The following AFF4 variants were observed in gnomAD, a reference collection of about 807,000 sequenced individuals.
AFF4 encodes AF4/FMR2 family member 4.
In AFF4, 13 loss-of-function variants were observed where a neutral mutation model predicts 124.8. The ratio of observed to expected loss-of-function variants is 0.10; its 90% CI spans 0.07 to 0.17. AFF4 has a LOEUF of 0.17. Ranked by LOEUF, AFF4 falls within the 10% of genes least tolerant of loss-of-function variation. The pLI, the probability that AFF4 is intolerant of heterozygous loss-of-function variation, is 1.00. For missense variants in AFF4, 1,092 were observed against 1,403.8 expected, an observed-to-expected ratio of 0.78 and a Z score of 3.55; for synonymous variants, 477 against 496.1, an observed-to-expected ratio of 0.96 and a Z score of 0.51.
chr5:132,948,150 A>G (rs1158865039), intron 1 of AFF4, among the ~76,000 whole-genome samples: 1 of 151,870 alleles, frequency 6.6e-6, no homozygotes, highest in African/African-American at 2.4e-5. Context: ...TCCTGGGTTC[A>G]AGCAATTCTC....
chr5:132,889,990 C>T (rs1239738540), intron 13 of AFF4, among the ~76,000 whole-genome samples: 1 of 152,062 alleles, frequency 6.6e-6, no homozygotes, highest in Non-Finnish European at 1.5e-5. Context: ...CTATGACTCT[C>T]TCTCAACTGC....
intron 18 of AFF4, among the ~76,000 whole-genome samples, chr5:132,885,488 G>T (rs950212749): frequency 6.7e-6 from 1 of 150,064 alleles, no homozygotes; most frequent in African/African-American, 2.5e-5. Flanking sequence ...TGGGTGGGTG[G>T]GGAGAGGGGA....
chr5:132,909,422 C>A (rs4705977), intron 5 of AFF4, among the ~76,000 whole-genome samples: 17,534 of 152,210 alleles, frequency 0.12, 1,276 homozygotes, highest in South Asian at 0.19. Flanking sequence ...GGATTACAGG[C>A]ATGAGCCACC....
Position 132,875,523 on chromosome 5 carries a change from T to TG in AFF4, c.*5535dup, listed in dbSNP as rs1233492881. On this transcript the variant is annotated 3_prime_UTR_variant, in exon 21 of 21. Transcript: ENST00000265343. ...TTTACAAATTGAAATGTGATACCCT[T>TG]GTCTCCAAATATTTTAATTGCCATA... 2.1e-5 allele frequency: 4 copies of TG among 189,418 alleles called. No homozygotes were observed. The highest frequency in any genetic ancestry group is 4.5e-5 in the Non-Finnish European group (4 of 89,874). The allele number at this position is 189,418 out of a possible 1,614,324, so 11.7% of individuals were successfully genotyped here. A position where few individuals can be genotyped will look rare whatever the true frequency, so the allele number is the denominator to read the frequency against.
intron 11 of AFF4, among the ~76,000 whole-genome samples, chr5:132,894,726 C>G (rs1424220741): frequency 6.6e-6 from 1 of 152,078 alleles, no homozygotes; most frequent in Non-Finnish European, 1.5e-5. Context: ...CTTTGGGAGG[C>G]TGAGGTGGGA....
At chr5:132,921,017 C>G (rs1254848551) in intron 5 of AFF4, among the ~76,000 whole-genome samples, 1 of 151,758 alleles carries the variant, frequency 6.6e-6, no homozygotes, top group Non-Finnish European at 1.5e-5. Context: ...GTCCCAGCTA[C>G]TCGAGAGGCC....
At chr5:132,916,599 T>C (rs1265361259) in intron 5 of AFF4, among the ~76,000 whole-genome samples, 1 of 152,164 alleles carries the variant, frequency 6.6e-6, no homozygotes, top group Non-Finnish European at 1.5e-5. Context: ...TTAAAAGCCA[T>C]GGTCTCAACT....
intron 7 of AFF4, chr5:132,900,789 A>T (rs976876760): frequency 2.4e-5 from 20 of 850,040 alleles, no homozygotes; most frequent in African/African-American, 3.7e-5. Context: ...GTCTTTTTAC[A>T]TGGGAGGAAA....
intron 6 of AFF4, among the ~76,000 whole-genome samples, chr5:132,902,756 T>C (rs1760582313): frequency 6.6e-6 from 1 of 152,200 alleles, no homozygotes; most frequent in Non-Finnish European, 1.5e-5. Context: ...GTAATTATAT[T>C]GCTAAGTGAC....
intron 20 of AFF4, among the ~76,000 whole-genome samples, chr5:132,881,725 C>T (rs1266909746): frequency 2.6e-5 from 4 of 152,050 alleles, no homozygotes; most frequent in African/African-American, 4.8e-5. Flanking sequence ...GTCTCCCTGT[C>T]GCCCAGGCTG....
intron 1 of AFF4, among the ~76,000 whole-genome samples, chr5:132,955,692 C>T (rs961398288): frequency 1.1e-4 from 16 of 148,534 alleles, no homozygotes; most frequent in South Asian, 2.1e-4. Flanking sequence ...GCAGGAGAAT[C>T]GCTTGAACCC....
chr5:132,958,575 A>G (rs1762012295), intron 1 of AFF4, among the ~76,000 whole-genome samples: 2 of 152,146 alleles, frequency 1.3e-5, no homozygotes, highest in African/African-American at 4.8e-5. Flanking sequence ...CAAGAAGGCA[A>G]TGAAACGTAA....
Position 132,880,610 on chromosome 5 carries a change from G to T in AFF4, c.*449C>A, listed in dbSNP as rs1164200738. 1 of 357,668 alleles carries T rather than the reference G, an allele frequency of 2.8e-6. No individual in the cohort carries two copies. The highest frequency in any genetic ancestry group is 5.0e-6 in the Non-Finnish European group (1 of 200,642). 22.2% of individuals were successfully genotyped at this position (357,668 alleles called of 1,614,324 possible). On this transcript the variant is annotated 3_prime_UTR_variant, in exon 21 of 21. Transcript: ENST00000265343. ...ACTCTTAGAACAGCTACCACAAAAA[G>T]ATATTAGGTAATAAAGCTCCCAAGG...
intron 3 of AFF4, 105 bp from the exon 4 acceptor site, chr5:132,932,327 TA>T (rs1761320238): frequency 4.7e-6 from 4 of 848,690 alleles, no homozygotes; most frequent in Non-Finnish European, 3.7e-6. Context: ...CCCACTACTC[TA>T]AATCAGTACA....
intron 14 of AFF4, 53 bp downstream of exon 14, chr5:132,889,026 T>A: frequency 6.6e-7 from 1 of 1,524,850 alleles, no homozygotes; most frequent in Non-Finnish European, 9.1e-7. Context: ...GTTTCTTATA[T>A]GCTGACTGGA....
intron 1 of AFF4, among the ~76,000 whole-genome samples, chr5:132,953,563 A>T (rs1306104141): frequency 6.6e-6 from 1 of 152,006 alleles, no homozygotes; most frequent in Admixed American, 6.6e-5. Context: ...CAATCCCAAA[A>T]ATCTCAATCT....
chr5:132,892,401 T>C lies in AFF4; in HGVS notation c.2400A>G (p.Ser800=). Residue 800 remains serine (S), a synonymous_variant, in exon 13 of 21, where the codon TCA becomes TCG. Transcript: ENST00000265343. Reference sequence around the variant, plus strand: ...TTTCTTTTGCAGCACTCTGCTTAGATGACCTGCCAAACCAAACGAATGCCT... The same window carrying C: ...TTTCTTTTGCAGCACTCTGCTTAGACGACCTGCCAAACCAAACGAATGCCT... ...AGHKPSSNRE[S]SKQSAAKEKD... 1 of 1,609,462 alleles carries C rather than the reference T, an allele frequency of 6.2e-7. No individual in the cohort carries two copies. Among genetic ancestry groups the C allele is most frequent in the Non-Finnish European group, 8.5e-7 (1 of 1,176,478 alleles).
At chr5:132,906,299 C>A (rs1760669855) in intron 5 of AFF4, among the ~76,000 whole-genome samples, 1 of 152,152 alleles carries the variant, frequency 6.6e-6, no homozygotes, top group South Asian at 2.1e-4. Context: ...CACACAAACA[C>A]TTCTACATAA....
At chr5:132,896,200 G>C (rs1467953152) in intron 11 of AFF4, 123 bp downstream of exon 11, 1 of 1,173,338 alleles carries the variant, frequency 8.5e-7, no homozygotes, top group Non-Finnish European at 1.2e-6. Flanking sequence ...CCTGGGCCTT[G>C]GGTTTACCCA....
Sources: allele counts gnomAD v4.1 joint callset (sites outside exome capture counted in the v4.1 genomes callset), GRCh38; gene constraint gnomAD v4.1.1; transcripts MANE v1.5; gene names NCBI Gene and HGNC (gene_info 2026-07-23, HGNC 2026-07-21).